The following PPP1R3F variants were observed in gnomAD, a reference collection of about 807,000 sequenced individuals.
The protein encoded by PPP1R3F is protein phosphatase 1 regulatory subunit 3F.
A neutral mutation model predicts 24.2 loss-of-function variants in PPP1R3F; 29 were observed. The observed-to-expected ratio is 1.20, with a 90% CI of 0.89 to 1.63. The LOEUF is 1.63. PPP1R3F is among the 40% of genes most tolerant of loss of function. The pLI, the probability that PPP1R3F is intolerant of heterozygous loss-of-function variation, is 0.00. For synonymous variants in PPP1R3F, 363 were observed against 340.1 expected (o/e 1.07, Z -0.74); for missense variants, 823 against 729.3 (o/e 1.13, Z -1.48).
chrX:49,269,802 C>T lies in PPP1R3F; in HGVS notation c.-68C>T. ...CCGCGCTGGCCTTCCCATTGGCTGC[C>T]CGCCCCTTCAGGCCCTGCCCCCGCC... On this transcript the variant is annotated 5_prime_UTR_variant, in exon 1 of 4. Transcript: ENST00000055335. 1.4e-6 allele frequency: 1 copy of T among 701,403 alleles called. No homozygotes were observed. The allele number at this position is 701,403 out of a possible 1,213,427, so 57.8% of individuals were successfully genotyped here.
At chrX:49,285,777 T>C in intron 3 of PPP1R3F, 57 bp from the exon 4 acceptor site, 1 of 1,067,382 alleles carries the variant, frequency 9.4e-7, no homozygotes, top group Non-Finnish European at 1.2e-6. Context: ...TTCCATCCCC[T>C]CCTCTGCTTC....
chrX:49,289,131 CA>C (rs2147977246), downstream of PPP1R3F, among the ~76,000 whole-genome samples: 1 of 110,760 alleles, frequency 9.0e-6, no homozygotes, highest in East Asian at 2.8e-4. Context: ...ATCTCAAAAA[CA>C]AAACAAAACA....
intron 1 of PPP1R3F, chrX:49,274,672 C>G (rs1569530440): frequency 8.9e-6 from 1 of 112,182 alleles, no homozygotes; most frequent in Non-Finnish European, 1.9e-5. Flanking sequence ...AACATCGCCA[C>G]CAGTCGAGGG....
downstream of PPP1R3F, among the ~76,000 whole-genome samples, chrX:49,291,490 A>G (rs1479288279): frequency 9.7e-6 from 1 of 102,773 alleles, no homozygotes; most frequent in East Asian, 3.1e-4. Flanking sequence ...ACCATGCCCG[A>G]CTAGTTTTTG....
chrX:49,289,618 C>T (rs188584097), downstream of PPP1R3F, among the ~76,000 whole-genome samples: 23 of 111,125 alleles, frequency 2.1e-4, no homozygotes, highest in Non-Finnish European at 2.8e-4. Context: ...TAAAGAAAAG[C>T]GAGGGGCTGA....
Position 49,270,715 on chromosome X carries a change from A to C in PPP1R3F, c.846A>C (p.Thr282=), listed in dbSNP as rs1165455348. The C allele has an allele frequency of 4.1e-6, 5 of 1,207,694 alleles. No homozygotes were observed. Among genetic ancestry groups the C allele is most frequent in the Non-Finnish European group, 5.6e-6 (5 of 893,535 alleles). ...CCAACAACCACGGCCGCAACTACAC[A>C]GTCCTGCTCCGGATCGCACCCGCTC... ...FWANNHGRNY[T]VLLRIAPAPT... The change falls in exon 1 of 4, where the codon ACA becomes ACC. Residue 282 remains threonine, a synonymous_variant. Transcript: ENST00000055335.
intron 3 of PPP1R3F, among the ~76,000 whole-genome samples, chrX:49,296,117 G>T (rs1171029594): frequency 1.8e-5 from 2 of 111,750 alleles, no homozygotes; most frequent in Non-Finnish European, 3.8e-5. Flanking sequence ...TGTAACTCTG[G>T]TAGAATTTGG....
chrX:49,285,114 T>C (rs1225027060), intron 3 of PPP1R3F, among the ~76,000 whole-genome samples: 1 of 111,541 alleles, frequency 9.0e-6, no homozygotes, highest in Non-Finnish European at 1.9e-5. Flanking sequence ...TGTTTTGATA[T>C]AGGCATGCAT....
chrX:49,285,347 C>T (rs1362081695), intron 3 of PPP1R3F, among the ~76,000 whole-genome samples: 2 of 110,823 alleles, frequency 1.8e-5, no homozygotes, highest in Non-Finnish European at 3.8e-5. Flanking sequence ...AGGCGCACAA[C>T]ACCACGCCCA....
intron 3 of PPP1R3F, among the ~76,000 whole-genome samples, chrX:49,296,384 T>C (rs1557122831): frequency 8.9e-6 from 1 of 111,799 alleles, no homozygotes; most frequent in Non-Finnish European, 1.9e-5. Context: ...TGTTTTTTAT[T>C]GTGTCTATTT....
At chrX:49,291,387 G>T (rs1557122367), downstream of PPP1R3F, among the ~76,000 whole-genome samples, 1 of 105,310 alleles carries the variant, frequency 9.5e-6, no homozygotes. Flanking sequence ...GAGTGAAGTG[G>T]CACATTCTCA....
chrX:49,292,959 G>T (rs1039011029), downstream of PPP1R3F, among the ~76,000 whole-genome samples: 2 of 112,253 alleles, frequency 1.8e-5, no homozygotes, highest in African/African-American at 6.5e-5. Flanking sequence ...GATGGATGCG[G>T]CCACCTCAGG....
At chrX:49,272,228 C>CAGGT (rs1289617648) in intron 1 of PPP1R3F, among the ~76,000 whole-genome samples, 1 of 111,629 alleles carries the variant, frequency 9.0e-6, no homozygotes, top group African/African-American at 3.3e-5. Flanking sequence ...AGCAGGCAGG[C>CAGGT]AGGTACCCAC....
intron 3 of PPP1R3F, among the ~76,000 whole-genome samples, chrX:49,283,129 G>A (rs139415151): frequency 0.021 from 2,363 of 110,863 alleles, 64 homozygotes; most frequent in African/African-American, 0.074. Flanking sequence ...ATATCAACAC[G>A]TGCTCATTCT....
In PPP1R3F at chrX:49,293,405, A is replaced by T. The variant is rs782610779; in HGVS notation, c.393-7946A>T. Among the ~76,000 whole-genome samples the T allele has an allele frequency of 8.4e-4, 94 of 112,571 alleles. 1 individual carries two copies. In the South Asian group the frequency reaches 0.017, roughly 21 times the overall value. ...GGTGAGCATTGTTTCCCATATATGT[A>T]AACTTGGGAGAGACACAGGAATGTT... On this transcript the variant is annotated intron_variant, in intron 3 of 3. Transcript: ENST00000471261.
At chrX:49,295,777 A>G (rs987206808) in intron 3 of PPP1R3F, among the ~76,000 whole-genome samples, 1 of 110,944 alleles carries the variant, frequency 9.0e-6, no homozygotes, top group Non-Finnish European at 1.9e-5. Flanking sequence ...TCTTTTTAAA[A>G]AAGACTTTTT....
Position 49,287,169 on chromosome X carries a change from T to C in PPP1R3F, c.*79T>C, listed in dbSNP as rs1198407488. The C allele has an allele frequency of 2.9e-6, 3 of 1,021,105 alleles. No individual in the cohort carries two copies. Among genetic ancestry groups the C allele is most frequent in the Non-Finnish European group, 4.0e-6 (3 of 751,928 alleles). The allele number at this position is 1,021,105 out of a possible 1,213,427, so 84.2% of individuals were successfully genotyped here. ...TGAGGGGACCTGGGTCCTTTGCTTCTGAGAATGCTCAACTGAAAGAGAGGC... is the reference window on the plus strand; with the variant it reads ...TGAGGGGACCTGGGTCCTTTGCTTCCGAGAATGCTCAACTGAAAGAGAGGC... On this transcript the variant is annotated 3_prime_UTR_variant, in exon 4 of 4. Coordinates refer to ENST00000055335, the MANE Select transcript of PPP1R3F (RefSeq NM_033215.5).
intron 1 of PPP1R3F, among the ~76,000 whole-genome samples, chrX:49,272,190 C>A (rs1263667912): frequency 8.9e-6 from 1 of 112,092 alleles, no homozygotes; most frequent in Non-Finnish European, 1.9e-5. Context: ...TAGCTCCGGT[C>A]TGGTGGGCAG....
rs1557121660 is a variant in PPP1R3F at position 49,286,722 on chromosome X, A to G, written c.2032A>G (p.Thr678Ala). 8.3e-7 allele frequency: 1 copy of G among 1,207,378 alleles called. No individual in the cohort carries two copies. Among genetic ancestry groups the G allele is most frequent in the African/African-American group, 1.7e-5 (1 of 57,805 alleles). ...CGGGACAGAAGCCCAGATAGAGGTC[A>G]CCAGTGAGTGGGCAGGCAGCTTGGA... Reference protein sequence around the residue: ...EAGTEAQIEVTSEWAGSLDPI... With the variant: ...EAGTEAQIEVASEWAGSLDPI... Residue 678 changes from threonine to alanine, a missense_variant, in exon 4 of 4, where the codon ACC becomes GCC. Transcript: ENST00000055335.
Sources: gnomAD v4.1 joint callset for allele counts (sites outside exome capture counted in the v4.1 genomes callset) on GRCh38, gnomAD v4.1.1 for gene constraint, MANE v1.5 for transcripts, NCBI Gene and HGNC (gene_info 2026-07-23, HGNC 2026-07-21) for gene names.